TMEM135: variants seen among roughly 807,000 people sequenced by gnomAD.
TMEM135 encodes peroxisomal membrane protein 52.
Under a neutral mutation model 60.3 loss-of-function variants are expected in TMEM135, and 30 were observed. That is an observed-to-expected ratio of 0.50 (90% CI 0.37 to 0.68). TMEM135 has a LOEUF of 0.68. Ranked by LOEUF, TMEM135 falls within the 30% of genes least tolerant of loss-of-function variation. TMEM135 has a pLI of 0.00. For synonymous variants in TMEM135, 190 were observed against 186.7 expected, an observed-to-expected ratio of 1.02 and a Z score of -0.14; for missense variants, 468 against 548.8, an observed-to-expected ratio of 0.85 and a Z score of 1.47.
intron 6 of TMEM135, among the ~76,000 whole-genome samples, chr11:87,261,218 CT>C (rs1941645256): frequency 6.6e-6 from 1 of 152,146 alleles, no homozygotes; most frequent in African/African-American, 2.4e-5. Context: ...TATCAGGTCT[CT>C]TTCCCCTCCC....
intron 3 of TMEM135, 49 bp downstream of exon 3, chr11:87,071,664 C>T: frequency 4.9e-6 from 7 of 1,420,650 alleles, no homozygotes; most frequent in Non-Finnish European, 5.7e-6. Flanking sequence ...TGTCCCCTAC[C>T]CCAACTATAA....
At chr11:87,236,800 C>A in intron 6 of TMEM135, 116 bp downstream of exon 6, 2 of 912,532 alleles carry the variant, frequency 2.2e-6, no homozygotes, top group Non-Finnish European at 3.5e-6. Flanking sequence ...CAGCATACTC[C>A]CCCCGCACCC....
chr11:87,204,398 G>T (rs1163380119), intron 5 of TMEM135, among the ~76,000 whole-genome samples: 1 of 151,992 alleles, frequency 6.6e-6, no homozygotes, highest in Non-Finnish European at 1.5e-5. Flanking sequence ...CATTCAAGCA[G>T]TTATGCAATA....
At chr11:87,118,228 T>C (rs1007025850) in intron 4 of TMEM135, among the ~76,000 whole-genome samples, 5 of 152,148 alleles carry the variant, frequency 3.3e-5, no homozygotes, top group African/African-American at 1.2e-4. Flanking sequence ...ATTGTCAGAA[T>C]GGTAAATGGT....
At chr11:87,286,422 A>G (rs868144365) in intron 6 of TMEM135, among the ~76,000 whole-genome samples, 16 of 152,350 alleles carry the variant, frequency 1.1e-4, no homozygotes, top group African/African-American at 3.4e-4. Context: ...AAAGTTCTCC[A>G]AGTCCCCACC....
intron 1 of TMEM135, among the ~76,000 whole-genome samples, chr11:87,064,272 T>G (rs1359095179): frequency 5.9e-5 from 9 of 152,122 alleles, no homozygotes; most frequent in Non-Finnish European, 7.4e-5. Flanking sequence ...CTTTTTTTTT[T>G]TTTTTACACA....
intron 6 of TMEM135, among the ~76,000 whole-genome samples, chr11:87,278,197 A>T (rs536994114): frequency 6.6e-6 from 1 of 152,284 alleles, no homozygotes; most frequent in South Asian, 2.1e-4. Context: ...ATACTAAAAA[A>T]TTCAGTCTGC....
chr11:87,288,863 G>A (rs1942214350), intron 6 of TMEM135, among the ~76,000 whole-genome samples: 1 of 152,138 alleles, frequency 6.6e-6, no homozygotes, highest in Non-Finnish European at 1.5e-5. Flanking sequence ...AGTGGCACAT[G>A]CCTGTGATCC....
At chr11:87,285,554 A>G (rs931283190) in intron 6 of TMEM135, among the ~76,000 whole-genome samples, 1 of 151,086 alleles carries the variant, frequency 6.6e-6, no homozygotes, top group Non-Finnish European at 1.5e-5. Flanking sequence ...CGTTCCTCCC[A>G]CCCAGAGTTG....
intron 6 of TMEM135, among the ~76,000 whole-genome samples, chr11:87,279,965 A>T (rs980591757): frequency 2.6e-5 from 4 of 152,212 alleles, no homozygotes; most frequent in Non-Finnish European, 5.9e-5. Context: ...AGTTTGTTAA[A>T]ACAACTAGTA....
intron 6 of TMEM135, among the ~76,000 whole-genome samples, chr11:87,264,558 A>T (rs1373887964): frequency 6.6e-6 from 1 of 151,908 alleles, no homozygotes; most frequent in Non-Finnish European, 1.5e-5. Flanking sequence ...CTGATCTTTT[A>T]TCATGAATTG....
intron 1 of TMEM135, among the ~76,000 whole-genome samples, chr11:87,040,310 G>A (rs979215749): frequency 2.0e-5 from 3 of 152,142 alleles, no homozygotes; most frequent in African/African-American, 7.2e-5. Flanking sequence ...TTGATTAAAT[G>A]TATACCCCCA....
intron 5 of TMEM135, among the ~76,000 whole-genome samples, chr11:87,216,921 T>C (rs376613173): frequency 6.6e-6 from 1 of 152,166 alleles, no homozygotes; most frequent in Non-Finnish European, 1.5e-5. Flanking sequence ...TAAGGGCTTA[T>C]TTACATCTAA....
At chr11:87,212,912 G>T (rs1406287421) in intron 5 of TMEM135, among the ~76,000 whole-genome samples, 5 of 150,072 alleles carry the variant, frequency 3.3e-5, no homozygotes, top group African/African-American at 1.2e-4. Flanking sequence ...CAAATTTATA[G>T]AAATTACTAT....
chr11:87,289,906 A>G (rs969901798), intron 6 of TMEM135, among the ~76,000 whole-genome samples: 1 of 152,140 alleles, frequency 6.6e-6, no homozygotes, highest in Admixed American at 6.5e-5. Context: ...TTCATGGCTT[A>G]TTTCACTGAG....
At chr11:87,274,709 C>T (rs559145306) in intron 6 of TMEM135, among the ~76,000 whole-genome samples, 1 of 151,454 alleles carries the variant, frequency 6.6e-6, no homozygotes, top group South Asian at 2.1e-4. Context: ...GCCTGTAATT[C>T]CAGCAGCTCA....
intron 6 of TMEM135, among the ~76,000 whole-genome samples, chr11:87,274,412 C>T (rs979489172): frequency 2.4e-4 from 36 of 152,276 alleles, no homozygotes; most frequent in African/African-American, 7.5e-4. Flanking sequence ...CTATACTTTT[C>T]TGCTTATAAG....
chr11:87,280,151 A>G (rs529028790), intron 6 of TMEM135, among the ~76,000 whole-genome samples: 2 of 152,382 alleles, frequency 1.3e-5, no homozygotes, highest in African/African-American at 4.8e-5. Context: ...AGAACAAAGT[A>G]TATGTTTAGA....
chr11:87,059,078 C>G (rs558331704), intron 1 of TMEM135, among the ~76,000 whole-genome samples: 1 of 151,966 alleles, frequency 6.6e-6, no homozygotes, highest in Non-Finnish European at 1.5e-5. Flanking sequence ...GCTGGGATTA[C>G]AGGCACCCAC....
Sources: allele counts gnomAD v4.1 joint callset (sites outside exome capture counted in the v4.1 genomes callset), GRCh38; gene constraint gnomAD v4.1.1; transcripts MANE v1.5; gene names NCBI Gene and HGNC (gene_info 2026-07-23, HGNC 2026-07-21).